Variants in PPA1 observed in about 807,000 individuals in gnomAD.
The protein encoded by PPA1 is inorganic pyrophosphatase 1.
PPA1 carries 23 observed loss-of-function variants against 41.8 expected under a neutral mutation model. The observed-to-expected ratio is 0.55, with a 90% CI of 0.40 to 0.78. The LOEUF (loss-of-function observed/expected upper bound fraction) is 0.78, where lower values mean the gene tolerates loss of function less well. Among genes scored for constraint, PPA1 ranks in the 30% least tolerant of loss-of-function variants. PPA1 has a pLI of 0.00. For missense variants in PPA1, 320 were observed against 361.6 expected, an observed-to-expected ratio of 0.89 and a Z score of 0.93; for synonymous variants, 101 against 116.8, an observed-to-expected ratio of 0.86 and a Z score of 0.87.
chr10:70,206,022 T>C (rs1839935438), intron 9 of PPA1: 2 of 477,450 alleles, frequency 4.2e-6, no homozygotes, highest in Non-Finnish European at 7.7e-6. Context: ...TTCTGATTTT[T>C]ACAAATCTTA....
At chr10:70,218,952 A>G (rs561309962) in intron 2 of PPA1, 135 bp from the exon 3 acceptor site, 2 of 659,960 alleles carry the variant, frequency 3.0e-6, no homozygotes, top group Non-Finnish European at 5.4e-6. Flanking sequence ...AACAAAATGC[A>G]TCAAAAAAAG....
intron 5 of PPA1, 73 bp downstream of exon 5, chr10:70,214,427 T>G: frequency 8.1e-7 from 1 of 1,232,886 alleles, no homozygotes; most frequent in Non-Finnish European, 1.2e-6. Context: ...TTCACAGTAT[T>G]TTTTAAAGTA....
intron 10 of PPA1, among the ~76,000 whole-genome samples, chr10:70,203,402 A>G (rs1000637050): frequency 2.0e-5 from 3 of 151,816 alleles, no homozygotes; most frequent in African/African-American, 7.3e-5. Context: ...GTGATTTTCA[A>G]ACTTTTTTTT....
At chr10:70,206,438 G>T in intron 8 of PPA1, 105 bp from the exon 9 acceptor site, 1 of 800,950 alleles carries the variant, frequency 1.2e-6, no homozygotes, top group Non-Finnish European at 2.1e-6. Context: ...TTCAAGTTTA[G>T]TTTAGTCGAA....
At chr10:70,230,301 C>G in intron 2 of PPA1, 40 bp downstream of exon 2, 1 of 1,601,144 alleles carries the variant, frequency 6.2e-7, no homozygotes. Flanking sequence ...ACTAGCTGAT[C>G]TGAGTAAAGA....
chr10:70,218,935 G>A (rs1589894535), intron 2 of PPA1, 118 bp from the exon 3 acceptor site: 12 of 694,132 alleles, frequency 1.7e-5, no homozygotes, highest in East Asian at 5.6e-5. Flanking sequence ...AAGTCAATTG[G>A]ATTTTCAACA....
In PPA1 at chr10:70,206,820, G is replaced by A. The variant is rs1408952205; in HGVS notation, c.726-487C>T. On this transcript the variant is annotated intron_variant, in intron 8 of 10. Transcript: ENST00000373232. ...GATCGCGCCACTGCACTCCAGCCTGGTGACAGAGCAAGACTGCGTTGCAAT... is the reference window on the plus strand; with the variant it reads ...GATCGCGCCACTGCACTCCAGCCTGATGACAGAGCAAGACTGCGTTGCAAT... 2.9e-5 allele frequency among the ~76,000 whole-genome samples: 4 copies of A among 138,610 alleles called. No homozygotes were observed. The South Asian group carries it at 7.4e-4, about 26-fold the overall frequency. 90.9% of individuals were successfully genotyped at this position (138,610 alleles called of 152,430 possible). A position where few individuals can be genotyped will look rare whatever the true frequency, so the allele number is the denominator to read the frequency against.
chr10:70,216,045 A>T (rs1840077211), intron 4 of PPA1, among the ~76,000 whole-genome samples: 10 of 152,254 alleles, frequency 6.6e-5, no homozygotes, highest in Admixed American at 6.5e-4. Context: ...CAGCTGGAGT[A>T]AAGGCAAAAA....
intron 1 of PPA1, 129 bp from the exon 2 acceptor site, chr10:70,230,528 C>T: frequency 1.1e-6 from 1 of 894,924 alleles, no homozygotes; most frequent in Non-Finnish European, 1.6e-6. Flanking sequence ...ATGGTGTGAT[C>T]TTGGCTCACT....
At chr10:70,208,391 T>G (rs1248297024) in intron 8 of PPA1, among the ~76,000 whole-genome samples, 1 of 151,880 alleles carries the variant, frequency 6.6e-6, no homozygotes, top group Non-Finnish European at 1.5e-5. Context: ...CCAGTTGGAG[T>G]GCAGTGGGGC....
rs1839983525 is a variant in PPA1 at position 70,209,085 on chromosome 10, C to T, written c.725+120G>A. 4.5e-6 allele frequency: 3 copies of T among 674,082 alleles called. No homozygotes were observed. The South Asian group carries it at 9.1e-5, about 20-fold the overall frequency. 41.8% of individuals were successfully genotyped at this position (674,082 alleles called of 1,614,324 possible). A position where few individuals can be genotyped will look rare whatever the true frequency, so the allele number is the denominator to read the frequency against. On this transcript the variant is annotated intron_variant, in intron 8 of 10. Coordinates refer to ENST00000373232, the MANE Select transcript of PPA1 (RefSeq NM_021129.4). ...CTGGAATGACAGGTGTGAGCCACCG[C>T]ACCCAGCCTTGTATCTCTTTTCTAA... is the stretch of plus-strand genomic sequence containing the variant.
chr10:70,204,968 TA>T, intron 9 of PPA1, 53 bp from the exon 10 acceptor site: 1 of 1,405,570 alleles, frequency 7.1e-7, no homozygotes, highest in Non-Finnish European at 9.8e-7. Context: ...TTTAAAAAGC[TA>T]AAAAGGTATA....
intron 2 of PPA1, among the ~76,000 whole-genome samples, chr10:70,230,000 C>T (rs1219385547): frequency 6.6e-6 from 1 of 152,110 alleles, no homozygotes; most frequent in Non-Finnish European, 1.5e-5. Context: ...CCTCTGCCTC[C>T]CAGGCACAAG....
rs1218027635 is a variant in PPA1, at chr10:70,213,467, A to G, written c.507T>C (p.Tyr169=). 8 of 1,613,814 alleles carry G rather than the reference A, an allele frequency of 5.0e-6. No homozygotes were observed. The highest frequency in any genetic ancestry group is 3.3e-5 in the Admixed American group (2 of 59,996). ...INVDDPDAAN[Y]NDINDVKRLK... is the part of the protein sequence containing the mutation. ...AGACTTTTCAAATTTTCTTACCATT[A>G]TAATTGGCTGCATCAGGATCATCCA... Residue 169 remains tyrosine, a synonymous_variant, in exon 6 of 11, where the codon TAT becomes TAC. Transcript: ENST00000373232.
chr10:70,206,799 G>A (rs1020750582), intron 8 of PPA1, among the ~76,000 whole-genome samples: 1 of 144,796 alleles, frequency 6.9e-6, no homozygotes, highest in African/African-American at 2.6e-5. Context: ...AGCTGAGATC[G>A]CGCCACTGCA....
chr10:70,224,591 C>T (rs978151027), intron 2 of PPA1, among the ~76,000 whole-genome samples: 3 of 152,074 alleles, frequency 2.0e-5, no homozygotes, highest in Non-Finnish European at 2.9e-5. Flanking sequence ...AAATAGGCTA[C>T]GGCCATTTGG....
intron 8 of PPA1, among the ~76,000 whole-genome samples, chr10:70,207,915 G>A (rs1391090695): frequency 3.8e-5 from 5 of 130,024 alleles, no homozygotes; most frequent in East Asian, 2.3e-4. Context: ...CATCAAGGCC[G>A]GGTGTGGTGG....
At position 70,220,610 on chromosome 10, in the gene PPA1, TATTATATATAATTTA is replaced by T. The variant is rs1421223110; in HGVS notation, c.124-1808_124-1794del. On this transcript the variant is annotated intron_variant, in intron 2 of 10. Transcript: ENST00000373232. ...ATATATTATATATAATTTATATATA[TATTATATATAATTTA>T]TATATATATAATATATATAATTTAT... Among the ~76,000 whole-genome samples, 17 of 8,760 alleles carry T rather than the reference TATTATATATAATTTA, an allele frequency of 1.9e-3. 4 individuals are homozygous for T. Among genetic ancestry groups the T allele is most frequent in the African/African-American group, 5.8e-3 (16 of 2,776 alleles). The allele number at this position is 8,760 out of a possible 152,430, so 5.7% of individuals were successfully genotyped here. A position where few individuals can be genotyped will look rare whatever the true frequency, so the allele number is the denominator to read the frequency against.
chr10:70,206,152 T>A, intron 9 of PPA1, 112 bp downstream of exon 9: 1 of 801,468 alleles, frequency 1.2e-6, no homozygotes, highest in Non-Finnish European at 2.1e-6. Context: ...CACAGTAACA[T>A]GCATACAAAA....
Sources: gnomAD v4.1 joint callset for allele counts (sites outside exome capture counted in the v4.1 genomes callset) on GRCh38, gnomAD v4.1.1 for gene constraint, MANE v1.5 for transcripts, NCBI Gene and HGNC (gene_info 2026-07-23, HGNC 2026-07-21) for gene names.